Variants in RNF125 observed in about 807,000 individuals in gnomAD.
RNF125 encodes the protein ring finger protein 125, also known as E3 ubiquitin-protein ligase RNF125.
RNF125 carries 21 observed loss-of-function variants against 26.0 expected under a neutral mutation model. The observed-to-expected ratio is 0.81, with a 90% confidence interval of 0.57 to 1.16. The LOEUF (loss-of-function observed/expected upper bound fraction) is 1.16, where lower values mean the gene tolerates loss of function less well. Ranked by LOEUF, RNF125 falls within the 50% of genes most tolerant of loss-of-function variation. The pLI, the probability that RNF125 is intolerant of heterozygous loss-of-function variation, is 0.00. For missense variants in RNF125, 270 were observed against 299.4 expected, an observed-to-expected ratio of 0.90 and a Z score of 0.72; for synonymous variants, 95 against 109.2, an observed-to-expected ratio of 0.87 and a Z score of 0.81.
At chr18:32,053,917 G>T (rs928248483) in intron 4 of RNF125, among the ~76,000 whole-genome samples, 1 of 151,806 alleles carries the variant, frequency 6.6e-6, no homozygotes, top group African/African-American at 2.4e-5. Flanking sequence ...GGGGAGACAG[G>T]GTATTTGACT....
chr18:32,019,695 G>A (rs1433813489), intron 1 of RNF125, among the ~76,000 whole-genome samples: 1 of 152,084 alleles, frequency 6.6e-6, no homozygotes, highest in East Asian at 1.9e-4. Context: ...TTAACAACCT[G>A]CTAGGGTGGG....
chr18:32,036,802 A>G (rs1185566637), intron 1 of RNF125, among the ~76,000 whole-genome samples: 1 of 152,212 alleles, frequency 6.6e-6, no homozygotes, highest in Non-Finnish European at 1.5e-5. Context: ...AATTTGAGGT[A>G]AAATCCAATT....
At chr18:32,044,074 TTGG>T (rs2039245220) in intron 3 of RNF125, among the ~76,000 whole-genome samples, 1 of 151,974 alleles carries the variant, frequency 6.6e-6, no homozygotes, top group Admixed American at 6.6e-5. Flanking sequence ...CAGCGCAATC[TTGG>T]CTCACTGCAA....
intron 5 of RNF125, chr18:32,066,219 G>C (rs765695939): frequency 3.0e-6 from 1 of 332,802 alleles, no homozygotes; most frequent in Admixed American, 4.2e-5. Context: ...GGAGGCCGAG[G>C]TGGGCGAATC....
At chr18:32,063,971 T>G (rs2039458403) in intron 4 of RNF125, among the ~76,000 whole-genome samples, 1 of 151,060 alleles carries the variant, frequency 6.6e-6, no homozygotes, top group African/African-American at 2.4e-5. Context: ...TCTGTATCTT[T>G]TTTTTTTTTT....
chr18:32,056,389 A>G (rs969903944), intron 4 of RNF125, among the ~76,000 whole-genome samples: 8 of 152,240 alleles, frequency 5.3e-5, no homozygotes, highest in Non-Finnish European at 8.8e-5. Context: ...AGGTGGGCAG[A>G]TCACCTGAGG....
At position 32,018,946 on chromosome 18, in the gene RNF125, C is replaced by T. The variant is rs2038957963; in HGVS notation, c.83C>T (p.Pro28Leu). The T allele has an allele frequency of 2.5e-6, 4 of 1,613,440 alleles. No individual in the cohort carries two copies. The highest frequency in any genetic ancestry group is 2.7e-5 in the African/African-American group (2 of 74,880). Residue 28 changes from proline (P) to leucine (L), a missense_variant, in exon 1 of 6, where the codon CCG (proline) becomes CTG (leucine). Pro to Leu is a moderately conservative substitution (Grantham distance 98, BLOSUM62 -3). Coordinates refer to ENST00000217740, the MANE Select transcript of RNF125 (RefSeq NM_017831.4). ...CGGGCCCTGGAGCGCAGGAGGGACC[C>T]GGAGTTGCCCGTCACGTCCTTCGAC... Reference protein sequence around the residue: ...TARALERRRDPELPVTSFDCA... With the variant: ...TARALERRRDLELPVTSFDCA...
chr18:32,037,624 G>A (rs184477146), intron 2 of RNF125, among the ~76,000 whole-genome samples: 1 of 151,906 alleles, frequency 6.6e-6, no homozygotes, highest in Non-Finnish European at 1.5e-5. Flanking sequence ...CGCCTGCCTC[G>A]GCCTCCCAAA....
chr18:32,024,572 C>G (rs776869773), intron 1 of RNF125, among the ~76,000 whole-genome samples: 5 of 152,092 alleles, frequency 3.3e-5, no homozygotes, highest in Non-Finnish European at 7.4e-5. Flanking sequence ...TCCTGAGTAG[C>G]TGGAACAACA....
chr18:32,052,388 G>C (rs2039337455), intron 4 of RNF125, among the ~76,000 whole-genome samples: 1 of 151,766 alleles, frequency 6.6e-6, no homozygotes, highest in Non-Finnish European at 1.5e-5. Context: ...GGCTGCTCAG[G>C]AGGCTGAGGC....
intron 4 of RNF125, among the ~76,000 whole-genome samples, chr18:32,064,938 C>T (rs913294231): frequency 1.3e-5 from 2 of 152,060 alleles, no homozygotes; most frequent in East Asian, 3.9e-4. Context: ...GTAAAATATC[C>T]ATATACAAAC....
At chr18:32,053,209 A>C (rs1396159968) in intron 4 of RNF125, among the ~76,000 whole-genome samples, 1 of 151,926 alleles carries the variant, frequency 6.6e-6, no homozygotes, top group Non-Finnish European at 1.5e-5. Context: ...CTAAAAATAC[A>C]AAATTAGCCG....
chr18:32,079,621 G>GATAA, the RNF125 span, among the ~76,000 whole-genome samples: 1 of 152,202 alleles, frequency 6.6e-6, no homozygotes, highest in African/African-American at 2.4e-5. Flanking sequence ...ATAAACATCT[G>GATAA]ATAAATAAGT....
intron 2 of RNF125, 77 bp downstream of exon 2, chr18:32,037,346 T>C: frequency 6.9e-6 from 5 of 725,622 alleles, no homozygotes; most frequent in Non-Finnish European, 4.3e-6. Flanking sequence ...CCTCTGCTTC[T>C]GACCCCATGG....
chr18:32,060,340 G>T (rs959732179), intron 4 of RNF125, among the ~76,000 whole-genome samples: 9 of 152,214 alleles, frequency 5.9e-5, no homozygotes, highest in African/African-American at 4.8e-5. Flanking sequence ...TGTCATTGTT[G>T]CGGGTGGGTT....
At chr18:32,090,554 A>G in the RNF125 span, among the ~76,000 whole-genome samples, 1 of 152,186 alleles carries the variant, frequency 6.6e-6, no homozygotes, top group Non-Finnish European at 1.5e-5. Flanking sequence ...TGTACATTAA[A>G]ACCCATTTCC....
chr18:32,059,989 T>A (rs2039420293), intron 4 of RNF125, among the ~76,000 whole-genome samples: 1 of 152,210 alleles, frequency 6.6e-6, no homozygotes, highest in African/African-American at 2.4e-5. Flanking sequence ...ATCTTTCCCC[T>A]TTTCCTAGCA....
intron 4 of RNF125, among the ~76,000 whole-genome samples, chr18:32,055,561 C>G (rs747633443): frequency 6.6e-6 from 1 of 152,092 alleles, no homozygotes; most frequent in Non-Finnish European, 1.5e-5. Flanking sequence ...CTACCACACA[C>G]GTATAAGACC....
intron 2 of RNF125, among the ~76,000 whole-genome samples, chr18:32,039,438 T>C (rs2039194460): frequency 6.6e-6 from 1 of 152,062 alleles, no homozygotes; most frequent in Admixed American, 6.6e-5. Context: ...CATGTTCATG[T>C]TAGAGGGTGG....
Sources: gnomAD v4.1 joint callset for allele counts (sites outside exome capture counted in the v4.1 genomes callset) on GRCh38, gnomAD v4.1.1 for gene constraint, MANE v1.5 for transcripts, NCBI Gene and HGNC (gene_info 2026-07-23, HGNC 2026-07-21) for gene names.